IQGAP2: variants seen among roughly 807,000 people sequenced by gnomAD.
IQGAP2 encodes the protein ras GTPase-activating-like protein IQGAP2.
A neutral mutation model predicts 201.3 loss-of-function variants in IQGAP2; 173 were observed. The ratio of observed to expected loss-of-function variants is 0.86; its 90% CI spans 0.76 to 0.98. The LOEUF (loss-of-function observed/expected upper bound fraction) is 0.98. Among genes scored for constraint, IQGAP2 ranks in the 50% least tolerant of loss-of-function variants. The pLI is 0.00. For missense variants in IQGAP2, 1,687 were observed against 1,864.8 expected (o/e 0.90, Z 1.76); for synonymous variants, 675 against 673.9 (o/e 1.00, Z -0.03).
intron 2 of IQGAP2, among the ~76,000 whole-genome samples, chr5:76,506,959 TC>T (rs1424274814): frequency 5.3e-5 from 8 of 152,160 alleles, no homozygotes; most frequent in Non-Finnish European, 1.2e-4. Flanking sequence ...GATCTATAGG[TC>T]CAAAGCAGTG....
intron 34 of IQGAP2, 70 bp from the exon 35 acceptor site, chr5:76,702,412 T>G: frequency 1.4e-6 from 1 of 740,162 alleles, no homozygotes; most frequent in Non-Finnish European, 2.4e-6. Context: ...TGAGATTCCA[T>G]TAGTTTGTTT....
At chr5:76,678,568 C>T (rs954285634) in intron 28 of IQGAP2, among the ~76,000 whole-genome samples, 7 of 152,080 alleles carry the variant, frequency 4.6e-5, no homozygotes, top group Non-Finnish European at 7.4e-5. Flanking sequence ...AAGCAAGGTC[C>T]TGGGGATATG....
chr5:76,662,634 A>G (rs562796488), intron 21 of IQGAP2, among the ~76,000 whole-genome samples: 7 of 152,326 alleles, frequency 4.6e-5, no homozygotes, highest in African/African-American at 1.4e-4. Flanking sequence ...AGCTATCTGA[A>G]GAGGAAAAAT....
At position 76,631,836 on chromosome 5, in the gene IQGAP2, A is replaced by G. The variant is rs370953319; in HGVS notation, c.1613-23A>G. The G allele has an allele frequency of 2.6e-5, 40 of 1,534,064 alleles. No individual in the cohort carries two copies. The East Asian group carries it at 8.2e-4, about 31-fold the overall frequency. On this transcript the variant is annotated intron_variant, in intron 14 of 35. Coordinates refer to ENST00000274364, the MANE Select transcript of IQGAP2 (RefSeq NM_006633.5). The stretch of plus-strand genomic sequence containing the variant: ...TAAGTGGAAGATAACCATTAACAAG[A>G]AACTTTTTTTTCAATTACCCAGGGG...
intron 12 of IQGAP2, chr5:76,609,144 T>C: frequency 6.5e-7 from 1 of 1,535,946 alleles, no homozygotes; most frequent in Non-Finnish European, 8.7e-7. Flanking sequence ...TAGCAGGTGA[T>C]TTCAATCAAG....
intron 2 of IQGAP2, among the ~76,000 whole-genome samples, chr5:76,513,994 A>T (rs993647864): frequency 6.7e-6 from 1 of 149,220 alleles, no homozygotes; most frequent in African/African-American, 2.5e-5. Context: ...AAAACTGCTC[A>T]AAAGTCTATT....
chr5:76,611,587 G>A (rs1051224662), intron 13 of IQGAP2, among the ~76,000 whole-genome samples: 2 of 152,342 alleles, frequency 1.3e-5, no homozygotes, highest in Non-Finnish European at 2.9e-5. Flanking sequence ...GATTGAGGCA[G>A]TGGACATTGT....
At chr5:76,545,233 G>A (rs1050425992) in intron 2 of IQGAP2, among the ~76,000 whole-genome samples, 9 of 152,180 alleles carry the variant, frequency 5.9e-5, no homozygotes, top group African/African-American at 1.4e-4. Flanking sequence ...GAAATGGACC[G>A]AACAGAAGTG....
intron 1 of IQGAP2, among the ~76,000 whole-genome samples, chr5:76,459,619 T>G (rs1000907332): frequency 6.6e-6 from 1 of 152,062 alleles, no homozygotes; most frequent in Non-Finnish European, 1.5e-5. Flanking sequence ...CAGGTATCAT[T>G]TAAGAAAACA....
Position 76,524,632 on chromosome 5 carries a change from G to C in IQGAP2, c.147-37764G>C, listed in dbSNP as rs74715371. On this transcript the variant is annotated intron_variant, in intron 2 of 35. Transcript: ENST00000274364. ...TTAAGAATCAAAAAACATAAGAGTT[G>C]AACAAGCCAAAGGAAGAAATGATAT... Among the ~76,000 whole-genome samples the C allele has an allele frequency of 5.5e-3, 838 of 152,228 alleles. 11 individuals are homozygous for C. Among genetic ancestry groups the C allele is most frequent in the African/African-American group, 0.019 (807 of 41,528 alleles).
chr5:76,505,586 AAGCTTGGGGAGCTGTAG>A (rs1219325516), intron 2 of IQGAP2, among the ~76,000 whole-genome samples: 2 of 152,140 alleles, frequency 1.3e-5, no homozygotes, highest in Admixed American at 1.3e-4. Flanking sequence ...CTTAAGTAAC[AAGCTTGGGGAGCTGTAG>A]AGCTAGATCA....
At chr5:76,612,731 G>A (rs774255679) in intron 13 of IQGAP2, among the ~76,000 whole-genome samples, 1 of 151,946 alleles carries the variant, frequency 6.6e-6, no homozygotes. Flanking sequence ...ATGGAATATA[G>A]ATAGGCTTGT....
chr5:76,495,797 C>G (rs959732213), intron 2 of IQGAP2, among the ~76,000 whole-genome samples: 2 of 152,162 alleles, frequency 1.3e-5, no homozygotes, highest in Admixed American at 1.3e-4. Flanking sequence ...ACAACCAGAT[C>G]TTGCATGAAC....
At chr5:76,591,011 C>A (rs1251456870) in intron 8 of IQGAP2, among the ~76,000 whole-genome samples, 1 of 152,136 alleles carries the variant, frequency 6.6e-6, no homozygotes, top group East Asian at 1.9e-4. Context: ...GTAGGAGAAT[C>A]ACTTGAGCCT....
At chr5:76,643,855 G>T (rs1751786403) in intron 17 of IQGAP2, among the ~76,000 whole-genome samples, 1 of 152,282 alleles carries the variant, frequency 6.6e-6, no homozygotes, top group Admixed American at 6.5e-5. Context: ...CCAAGAGGAA[G>T]GGGATGGCCT....
chr5:76,676,801 G>C (rs1262230592), intron 27 of IQGAP2, among the ~76,000 whole-genome samples: 5 of 152,222 alleles, frequency 3.3e-5, no homozygotes, highest in African/African-American at 1.2e-4. Flanking sequence ...CCAGGAGCCT[G>C]TGCTGTTTAA....
At chr5:76,420,456 A>C (rs1188017697) in intron 1 of IQGAP2, among the ~76,000 whole-genome samples, 6 of 150,694 alleles carry the variant, frequency 4.0e-5, no homozygotes, top group Non-Finnish European at 8.8e-5. Context: ...GCTCACTGCA[A>C]TCTCCGCCTC....
At chr5:76,553,533 T>G (rs1310572691) in intron 2 of IQGAP2, among the ~76,000 whole-genome samples, 2 of 152,194 alleles carry the variant, frequency 1.3e-5, no homozygotes, top group Admixed American at 1.3e-4. Context: ...AAAACAACTT[T>G]CGTATGTTCT....
At chr5:76,533,188 T>C (rs1759417313) in intron 2 of IQGAP2, among the ~76,000 whole-genome samples, 2 of 152,224 alleles carry the variant, frequency 1.3e-5, no homozygotes, top group South Asian at 4.1e-4. Flanking sequence ...TAACTCACTT[T>C]GGTATCTGAT....
Sources: gnomAD v4.1 joint callset for allele counts (sites outside exome capture counted in the v4.1 genomes callset) on GRCh38, gnomAD v4.1.1 for gene constraint, MANE v1.5 for transcripts, NCBI Gene and HGNC (gene_info 2026-07-23, HGNC 2026-07-21) for gene names.